The following SLC39A14 variants were observed in gnomAD, a reference collection of about 807,000 sequenced individuals.
SLC39A14 encodes the protein solute carrier family 39 member 14.
Under a neutral mutation model 45.5 loss-of-function variants are expected in SLC39A14, and 19 were observed. The ratio of observed to expected loss-of-function variants is 0.42; its 90% CI spans 0.29 to 0.61. The LOEUF is 0.61. Ranked by LOEUF, SLC39A14 falls within the 20% of genes least tolerant of loss-of-function variation. SLC39A14 has a pLI of 0.22. For synonymous variants in SLC39A14, 264 were observed against 251.3 expected, an observed-to-expected ratio of 1.05 and a Z score of -0.48; for missense variants, 447 against 616.5, an observed-to-expected ratio of 0.73 and a Z score of 2.91.
exon 9 of SLC39A14, chr8:22,433,937 T>G (rs1011829675): frequency 4.6e-6 from 2 of 434,448 alleles, no homozygotes; most frequent in African/African-American, 4.1e-5. Flanking sequence ...TGGTGCCATC[T>G]CAGCTCACTG....
intron 5 of SLC39A14, chr8:22,415,439 G>T: frequency 4.1e-6 from 1 of 246,250 alleles, no homozygotes; most frequent in Admixed American, 5.4e-5. Flanking sequence ...TCTGACACCA[G>T]GTCCTTCGCA....
At chr8:22,430,347 C>T (rs1004226594) in intron 8 of SLC39A14, among the ~76,000 whole-genome samples, 3 of 152,042 alleles carry the variant, frequency 2.0e-5, no homozygotes, top group African/African-American at 7.2e-5. Context: ...GGATTACAGG[C>T]GTGGGCCATC....
At chr8:22,408,068 A>C (rs1835332643) in intron 2 of SLC39A14, among the ~76,000 whole-genome samples, 1 of 152,050 alleles carries the variant, frequency 6.6e-6, no homozygotes, top group African/African-American at 2.4e-5. Flanking sequence ...TCATTTACCG[A>C]CGGTTGTGCT....
At position 22,404,834 on chromosome 8, in the gene SLC39A14, TC is replaced by T; in HGVS notation, c.126del (p.Phe43SerfsTer5). 6.2e-7 allele frequency: 1 copy of T among 1,614,198 alleles called. No individual in the cohort carries two copies. The highest frequency in any genetic ancestry group is 8.5e-7 in the Non-Finnish European group (1 of 1,180,044). Reference protein sequence around the residue: ...SLGAPAISAASFLQDLIHRYG... With the variant: ...SLGAPAISAAXFLQDLIHRYG... The stretch of plus-strand genomic sequence containing the variant: ...GGGTGCACCAGCTATCAGCGCTGCC[TC>T]CTTCCTGCAGGATCTAATACATCGG... On this transcript the variant is annotated frameshift_variant, in exon 2 of 9. Transcript: ENST00000381237. LOFTEE classifies it high-confidence loss of function.
At chr8:22,411,406 G>C (rs541569778) in intron 3 of SLC39A14, among the ~76,000 whole-genome samples, 16 of 152,354 alleles carry the variant, frequency 1.1e-4, no homozygotes, top group African/African-American at 3.6e-4. Context: ...GAGAGGTTAA[G>C]ACACTGAATT....
Position 22,404,722 on chromosome 8 carries a change from GC to G in SLC39A14, c.13del (p.Leu5CysfsTer12). On this transcript the variant is annotated frameshift_variant, in exon 2 of 9. Transcript: ENST00000381237. LOFTEE classifies it high-confidence loss of function. MKLL[L>X]LHPAFQSCLL... Reference sequence around the variant, plus strand: ...TTTATTCAGTCACCATGAAGCTGCTGCTGCTGCACCCGGCCTTCCAGAGCTG... The same window carrying G: ...TTTATTCAGTCACCATGAAGCTGCTGTGCTGCACCCGGCCTTCCAGAGCTG... 6.5e-7 allele frequency: 1 copy of G among 1,537,196 alleles called. No homozygotes were observed. Among genetic ancestry groups the G allele is most frequent in the Non-Finnish European group, 8.7e-7 (1 of 1,155,018 alleles).
intron 1 of SLC39A14, among the ~76,000 whole-genome samples, chr8:22,394,051 G>T (rs1834231776): frequency 6.7e-6 from 1 of 148,446 alleles, no homozygotes; most frequent in African/African-American, 2.5e-5. Flanking sequence ...TCTGTTGCCA[G>T]GCTGAAGTAT....
intron 1 of SLC39A14, among the ~76,000 whole-genome samples, chr8:22,396,599 A>AGAGAGAGAGAGAAGG: frequency 9.6e-6 from 1 of 104,400 alleles, no homozygotes; most frequent in Non-Finnish European, 2.0e-5. Flanking sequence ...AGAGAGAGAG[A>AGAGAGAGAGAGAAGG]AGACTAAGTG....
At chr8:22,425,882 G>A (rs1836375512), downstream of SLC39A14, among the ~76,000 whole-genome samples, 1 of 102,468 alleles carries the variant, frequency 9.8e-6, no homozygotes, top group Non-Finnish European at 2.2e-5. Context: ...GGCTCTAGAT[G>A]GTTTTTGTTT....
intron 1 of SLC39A14, among the ~76,000 whole-genome samples, chr8:22,387,342 CCCAGAAAGGAG>C (rs1444453384): frequency 6.6e-6 from 1 of 152,090 alleles, no homozygotes; most frequent in African/African-American, 2.4e-5. Flanking sequence ...TTGAAAGTCA[CCCAGAAAGGAG>C]CCTGTCCGAG....
chr8:22,378,291 C>G (rs934903959), intron 1 of SLC39A14, among the ~76,000 whole-genome samples: 2 of 152,186 alleles, frequency 1.3e-5, no homozygotes, highest in Non-Finnish European at 2.9e-5. Flanking sequence ...TGAAACAACA[C>G]CCGTTTATCA....
chr8:22,375,457 C>T (rs1218600311), intron 1 of SLC39A14, among the ~76,000 whole-genome samples: 3 of 149,470 alleles, frequency 2.0e-5, no homozygotes, highest in Non-Finnish European at 4.4e-5. Context: ...ATCAAAATTT[C>T]TCCCTAAGCA....
downstream of SLC39A14, among the ~76,000 whole-genome samples, chr8:22,423,526 A>G (rs892708074): frequency 1.3e-5 from 2 of 151,820 alleles, no homozygotes; most frequent in South Asian, 2.1e-4. Context: ...TAGTAGAGAC[A>G]GGGTTTCACC....
intron 4 of SLC39A14, among the ~76,000 whole-genome samples, chr8:22,413,420 C>T (rs1563593947): frequency 6.6e-6 from 1 of 152,152 alleles, no homozygotes; most frequent in African/African-American, 2.4e-5. Context: ...GAAGCTCAAC[C>T]CCATGATTCT....
In SLC39A14 at chr8:22,421,458, T is replaced by C. The variant is rs934845904; in HGVS notation, c.*1760T>C. 4.1e-6 allele frequency: 4 copies of C among 985,252 alleles called. No homozygotes were observed. Among genetic ancestry groups the C allele is most frequent in the Non-Finnish European group, 4.8e-6 (4 of 829,810 alleles). 61.0% of individuals were successfully genotyped at this position (985,252 alleles called of 1,614,324 possible). On this transcript the variant is annotated 3_prime_UTR_variant, in exon 9 of 9. Coordinates refer to ENST00000381237, the MANE Select transcript of SLC39A14 (RefSeq NM_001128431.4). ...CGCTGAAGAGGGAAAATTTCAGTGATGGAGATTCTAGATTAAATATCAGGA... is the reference window on the plus strand; with the variant it reads ...CGCTGAAGAGGGAAAATTTCAGTGACGGAGATTCTAGATTAAATATCAGGA...
chr8:22,374,017 CGAAGTGCTGGGACT>C lies in SLC39A14; in HGVS notation c.-16+6624_-16+6637del, dbSNP rs199794564. On this transcript the variant is annotated intron_variant, in intron 1 of 8. Coordinates refer to ENST00000381237, the MANE Select transcript of SLC39A14 (RefSeq NM_001128431.4). ...AAGTGATCCACCGGTCTTGGCCTCC[CGAAGTGCTGGGACT>C]GAAGTGCTGGGACTAAAGGCGTGAG... Among the ~76,000 whole-genome samples, 1,478 of 152,302 alleles carry C rather than the reference CGAAGTGCTGGGACT, an allele frequency of 9.7e-3. 12 individuals are homozygous for C. The highest frequency in any genetic ancestry group is 0.012 in the Non-Finnish European group (846 of 68,024).
chr8:22,408,683 G>T (rs1002499320), intron 3 of SLC39A14, among the ~76,000 whole-genome samples, 187 bp downstream of exon 3: 1 of 152,196 alleles, frequency 6.6e-6, no homozygotes, highest in African/African-American at 2.4e-5. Context: ...GGATGGCCTA[G>T]CACATTGTCA....
intron 8 of SLC39A14, among the ~76,000 whole-genome samples, chr8:22,433,410 T>A (rs1836496945): frequency 6.6e-6 from 1 of 151,358 alleles, no homozygotes; most frequent in South Asian, 2.1e-4. Context: ...CAGTGGCTAT[T>A]CACAGGCAAG....
intron 1 of SLC39A14, among the ~76,000 whole-genome samples, chr8:22,385,960 GAGAC>G (rs2132220062): frequency 6.6e-6 from 1 of 152,264 alleles, no homozygotes; most frequent in African/African-American, 2.4e-5. Context: ...ATTTTTTTGA[GAGAC>G]AGAGTCTCAC....
Sources: gnomAD v4.1 joint callset for allele counts (sites outside exome capture counted in the v4.1 genomes callset) on GRCh38, gnomAD v4.1.1 for gene constraint, MANE v1.5 for transcripts, NCBI Gene and HGNC (gene_info 2026-07-23, HGNC 2026-07-21) for gene names.